The following SVIL variants were observed in gnomAD, a reference collection of about 807,000 sequenced individuals.
The protein encoded by SVIL is supervillin, also known as archvillin.
In SVIL, 101 loss-of-function variants were observed where a neutral mutation model predicts 240.4. The ratio of observed to expected loss-of-function variants is 0.42; its 90% CI spans 0.36 to 0.50. The LOEUF (loss-of-function observed/expected upper bound fraction) is 0.50, where lower values mean the gene tolerates loss of function less well. Ranked by LOEUF, SVIL falls within the 20% of genes least tolerant of loss-of-function variation. The pLI is 0.01. For synonymous variants in SVIL, 999 were observed against 1,100.0 expected, an observed-to-expected ratio of 0.91 and a Z score of 1.82; for missense variants, 2,512 against 2,818.7, an observed-to-expected ratio of 0.89 and a Z score of 2.46.
intron 1 of SVIL, among the ~76,000 whole-genome samples, chr10:29,717,232 C>CAAAGAA (rs1963675557): frequency 2.6e-5 from 1 of 38,298 alleles, no homozygotes; most frequent in African/African-American, 9.6e-5. Context: ...GACTCTCTCT[C>CAAAGAA]AAAAAAAAAA....
At chr10:29,604,775 C>T (rs917801922) in intron 1 of SVIL, among the ~76,000 whole-genome samples, 1 of 151,904 alleles carries the variant, frequency 6.6e-6, no homozygotes, top group African/African-American at 2.4e-5. Context: ...TGCTGTGTTG[C>T]CCAGGCTGGT....
At position 29,474,602 on chromosome 10, in the gene SVIL, TAAATAAATAAA is replaced by T. The variant is rs935391362; in HGVS notation, c.5378-624_5378-614del. Reference sequence around the variant, plus strand: ...AGAGTGAGACTCTCTTACAAATAAATAAATAAATAAATAAATAAATAAATAAATAAATAAAT... The same window carrying T: ...AGAGTGAGACTCTCTTACAAATAAATTAAATAAATAAATAAATAAATAAAT... On this transcript the variant is annotated intron_variant, in intron 29 of 37. Transcript: ENST00000355867. Among the ~76,000 whole-genome samples the T allele has an allele frequency of 9.2e-5, 4 of 43,274 alleles. No individual in the cohort carries two copies. In the Admixed American group the frequency reaches 1.3e-3, roughly 14 times the overall value. 28.4% of individuals were successfully genotyped at this position (43,274 alleles called of 152,430 possible). A position where few individuals can be genotyped will look rare whatever the true frequency, so the allele number is the denominator to read the frequency against.
intron 2 of SVIL, among the ~76,000 whole-genome samples, chr10:29,676,122 T>A (rs1206204393): frequency 1.3e-5 from 2 of 152,166 alleles, no homozygotes; most frequent in Admixed American, 1.3e-4. Context: ...TTACATTTCT[T>A]CCCTGCTATA....
intron 1 of SVIL, among the ~76,000 whole-genome samples, chr10:29,595,098 C>T (rs183914123): frequency 3.9e-5 from 6 of 152,338 alleles, no homozygotes; most frequent in Non-Finnish European, 5.9e-5. Flanking sequence ...ACAGTCCAAG[C>T]TAGACTGGTC....
At position 29,657,261 on chromosome 10, in the gene SVIL, C is replaced by T. The variant is rs117841392; in HGVS notation, c.-201+708G>A. ...CATCTAACACCATCCATGGCTGGTG[C>T]GCAATCAATATTTAATGAACAAATG... On this transcript the variant is annotated intron_variant, in intron 3 of 35. Coordinates refer to the SVIL transcript ENST00000375400. 8.2e-3 allele frequency among the ~76,000 whole-genome samples: 1,245 copies of T among 152,234 alleles called. 10 individuals carry two copies. The highest frequency in any genetic ancestry group is 0.014 in the Middle Eastern group (4 of 292).
At chr10:29,712,711 A>G (rs1465975293) in intron 1 of SVIL, among the ~76,000 whole-genome samples, 2 of 152,236 alleles carry the variant, frequency 1.3e-5, no homozygotes, top group African/African-American at 4.8e-5. Context: ...AAATGTTATC[A>G]GACTCAACAC....
intron 1 of SVIL, among the ~76,000 whole-genome samples, chr10:29,734,665 C>G (rs971780461): frequency 2.0e-5 from 3 of 152,164 alleles, no homozygotes; most frequent in Middle Eastern, 3.2e-3. Flanking sequence ...AGACAAGACA[C>G]GAAAACGTGA....
At chr10:29,483,426 CAT>C (rs1452340735) in intron 27 of SVIL, 3 of 152,292 alleles carry the variant, frequency 2.0e-5, no homozygotes, top group African/African-American at 4.8e-5. Context: ...GCTTTTAAGA[CAT>C]ATTGACACAT....
At chr10:29,502,854 G>C (rs1307592519) in intron 17 of SVIL, among the ~76,000 whole-genome samples, 2 of 152,144 alleles carry the variant, frequency 1.3e-5, no homozygotes, top group African/African-American at 2.4e-5. Flanking sequence ...CTTTCTCTCT[G>C]TATACACTGA....
intron 1 of SVIL, among the ~76,000 whole-genome samples, chr10:29,585,070 A>G (rs188997951): frequency 6.9e-6 from 1 of 145,476 alleles, no homozygotes; most frequent in East Asian, 2.0e-4. Context: ...CTCAGCTAAT[A>G]TTTTTATTCT....
chr10:29,470,999 A>G, intron 31 of SVIL, 139 bp downstream of exon 31: 1 of 777,794 alleles, frequency 1.3e-6, no homozygotes, highest in Admixed American at 2.1e-5. Context: ...GAGCTGAGTT[A>G]TCAGGCAAAC....
intron 23 of SVIL, chr10:29,487,895 C>T (rs1416382790): frequency 6.6e-6 from 1 of 152,422 alleles, no homozygotes; most frequent in Non-Finnish European, 1.5e-5. Flanking sequence ...TTGAGCTTGT[C>T]ACTAGTCTTT....
At chr10:29,496,467 T>A (rs1948451125) in intron 18 of SVIL, 1 of 451,132 alleles carries the variant, frequency 2.2e-6, no homozygotes, top group African/African-American at 2.0e-5. Flanking sequence ...CCGCAGCTAA[T>A]GAACAGGACT....
chr10:29,493,221 C>T lies in SVIL; in HGVS notation c.4012G>A (p.Ala1338Thr). The T allele has an allele frequency of 6.2e-7, 1 of 1,613,906 alleles. No individual in the cohort carries two copies. The change falls in exon 21 of 38, where the codon GCA becomes ACA. Residue 1338 changes from alanine (A) to threonine (T), a missense_variant. Coordinates refer to ENST00000355867, the MANE Select transcript of SVIL (RefSeq NM_021738.3). ...EDFDVIFDPYAPKLTSSVAEH... is the reference protein window; with the variant it reads ...EDFDVIFDPYTPKLTSSVAEH... ...GAGACCCAAATAACTCACTTGGGTG[C>T]ATAAGGATCGAAAATGACATCGAAG... is the stretch of plus-strand genomic sequence containing the variant.
Position 29,523,941 on chromosome 10 carries a change from G to C in SVIL, c.2673C>G (p.Ala891=), listed in dbSNP as rs575666269. Residue 891 remains alanine (A), a synonymous_variant, in exon 15 of 38, where the codon GCC becomes GCG. Coordinates refer to ENST00000355867, the MANE Select transcript of SVIL (RefSeq NM_021738.3). The part of the protein sequence containing the change: ...TVASTVAPMY[A]GDLRTKPPLD... ...GAGGTGGCTTTGTGCGAAGATCTCC[G>C]GCATACATTGGAGCAACCGTGGATG... 1.2e-6 allele frequency: 2 copies of C among 1,614,156 alleles called. No individual in the cohort carries two copies. Among genetic ancestry groups the C allele is most frequent in the East Asian group, 2.2e-5 (1 of 44,876 alleles).
chr10:29,712,360 G>T (rs958933734), intron 1 of SVIL, among the ~76,000 whole-genome samples: 3 of 152,154 alleles, frequency 2.0e-5, no homozygotes, highest in African/African-American at 7.2e-5. Context: ...TGCTCTATTA[G>T]TTCCCAGGAG....
chr10:29,703,989 T>C (rs904662544), intron 1 of SVIL, among the ~76,000 whole-genome samples: 2 of 152,208 alleles, frequency 1.3e-5, no homozygotes, highest in East Asian at 1.9e-4. Flanking sequence ...TTTGTAGAGA[T>C]GGGGTCTCTC....
At chr10:29,718,668 A>G (rs7077132) in intron 1 of SVIL, among the ~76,000 whole-genome samples, 29,158 of 152,126 alleles carry the variant, frequency 0.19, 3,453 homozygotes, top group African/African-American at 0.34. Flanking sequence ...AGAACTACAC[A>G]GAGAAGTCCA....
Position 29,549,421 on chromosome 10 carries a change from G to C in SVIL, c.827+1176C>G, listed in dbSNP as rs372009442. The stretch of plus-strand genomic sequence containing the variant: ...AAATAGGAACACTTTTACACTGTTG[G>C]TGGGACTGTAAACTAGTTCAACCAT... On this transcript the variant is annotated intron_variant, in intron 6 of 37. Coordinates refer to ENST00000355867, the MANE Select transcript of SVIL (RefSeq NM_021738.3). Among the ~76,000 whole-genome samples the C allele has an allele frequency of 3.2e-4, 40 of 124,616 alleles. 3 individuals are homozygous for C. The East Asian group carries it at 7.7e-3, about 24-fold the overall frequency. The allele number at this position is 124,616 out of a possible 152,430, so 81.8% of individuals were successfully genotyped here. A position where few individuals can be genotyped will look rare whatever the true frequency, so the allele number is the denominator to read the frequency against.
Sources: allele counts gnomAD v4.1 joint callset (sites outside exome capture counted in the v4.1 genomes callset), GRCh38; gene constraint gnomAD v4.1.1; transcripts MANE v1.5; gene names NCBI Gene and HGNC (gene_info 2026-07-23, HGNC 2026-07-21).